SLC19A3: variants seen among roughly 807,000 people sequenced by gnomAD.
SLC19A3 encodes solute carrier family 19 member 3.
In SLC19A3, 31 loss-of-function variants were observed where a neutral mutation model predicts 40.2. The observed-to-expected ratio is 0.77, with a 90% CI of 0.58 to 1.04. The LOEUF is 1.04. SLC19A3 is among the 50% of genes least tolerant of loss of function. The pLI is 0.00. For synonymous variants in SLC19A3, 212 were observed against 227.5 expected (o/e 0.93, Z 0.61); for missense variants, 592 against 596.7 (o/e 0.99, Z 0.08).
intron 4 of SLC19A3, among the ~76,000 whole-genome samples, chr2:227,693,976 A>G (rs1487780774): frequency 6.6e-6 from 1 of 152,242 alleles, no homozygotes; most frequent in East Asian, 1.9e-4. Flanking sequence ...AAGGTGCTCA[A>G]CATCATTGAT....
chr2:227,694,138 C>T lies in SLC19A3; in HGVS notation c.1172+1751G>A, dbSNP rs182548522. The stretch of plus-strand genomic sequence containing the variant: ...TCTCCTGCCTCAGCCTCCCCAGTAG[C>T]AGGGATTACAGGTTCTCACCACCAT... On this transcript the variant is annotated intron_variant, in intron 4 of 5. Transcript: ENST00000644224. Among the ~76,000 whole-genome samples, 128 of 152,250 alleles carry T rather than the reference C, an allele frequency of 8.4e-4. 1 individual carries two copies. The highest frequency in any genetic ancestry group is 2.6e-4 in the Non-Finnish European group (18 of 68,010).
At chr2:227,716,818 G>T (rs1696349033) in intron 1 of SLC19A3, among the ~76,000 whole-genome samples, 1 of 151,954 alleles carries the variant, frequency 6.6e-6, no homozygotes, top group Non-Finnish European at 1.5e-5. Flanking sequence ...TAGCAATAAT[G>T]ACTGAAGGAA....
chr2:227,714,934 C>T (rs961422855), intron 1 of SLC19A3, among the ~76,000 whole-genome samples: 3 of 151,530 alleles, frequency 2.0e-5, no homozygotes, highest in African/African-American at 4.9e-5. Context: ...ATTCTCCCAC[C>T]TCAGTCTCCT....
At position 227,702,325 on chromosome 2, in the gene SLC19A3, T is replaced by C. The variant is rs1327498072; in HGVS notation, c.-2-5A>G. The C allele has an allele frequency of 5.0e-6, 8 of 1,613,744 alleles. No individual in the cohort carries two copies. The highest frequency in any genetic ancestry group is 6.8e-6 in the Non-Finnish European group (8 of 1,179,874). ...AAGTTCTGTAACAATCCATGGCTGATCAAATGGAAACAAAGAGAAAATTAA... is the reference window on the plus strand; with the variant it reads ...AAGTTCTGTAACAATCCATGGCTGACCAAATGGAAACAAAGAGAAAATTAA... On this transcript the variant is annotated splice_polypyrimidine_tract_variant and splice_region_variant and intron_variant, in intron 1 of 5. Transcript: ENST00000644224.
At chr2:227,713,454 A>G (rs1302265430) in intron 1 of SLC19A3, among the ~76,000 whole-genome samples, 2 of 150,736 alleles carry the variant, frequency 1.3e-5, no homozygotes, top group Non-Finnish European at 2.9e-5. Flanking sequence ...GAGTGATTAG[A>G]TCATAAGGGC....
chr2:227,705,951 G>A (rs759687513), intron 1 of SLC19A3, among the ~76,000 whole-genome samples: 112 of 152,188 alleles, frequency 7.4e-4, no homozygotes, highest in Middle Eastern at 6.8e-3. Flanking sequence ...GGGAGGCTGA[G>A]GTGAGAGGAT....
At chr2:227,696,290 C>T (rs1191939175) in intron 3 of SLC19A3, among the ~76,000 whole-genome samples, 1 of 152,170 alleles carries the variant, frequency 6.6e-6, no homozygotes, top group African/African-American at 2.4e-5. Flanking sequence ...TTCTTTCGGT[C>T]ACTTAGTCAC....
intron 4 of SLC19A3, chr2:227,695,467 T>C: frequency 5.2e-6 from 1 of 192,664 alleles, no homozygotes; most frequent in Admixed American, 5.5e-5. Context: ...CTAGGCATGG[T>C]GGCACATGCT....
At chr2:227,708,394 C>T (rs1316208088) in intron 1 of SLC19A3, among the ~76,000 whole-genome samples, 1 of 152,034 alleles carries the variant, frequency 6.6e-6, no homozygotes, top group Non-Finnish European at 1.5e-5. Flanking sequence ...TCAATTATTA[C>T]CATGTTATTG....
In SLC19A3 at chr2:227,688,174, T is replaced by G. The variant is rs772754355; in HGVS notation, c.1306A>C (p.Ser436Arg). The G allele has an allele frequency of 6.2e-6, 10 of 1,614,038 alleles. No homozygotes were observed. The Admixed American group carries it at 1.7e-4, about 27-fold the overall frequency. Residue 436 changes from serine (S) to arginine (R), a missense_variant, in exon 5 of 6, where the codon AGC becomes CGC. Physicochemically the swap from Ser to Arg is moderately radical, Grantham distance 110. Coordinates refer to ENST00000644224, the MANE Select transcript of SLC19A3 (RefSeq NM_025243.4). Reference sequence around the variant, plus strand: ...GAAGTATTGCAGCTTACCTGAATGCTGACTGGCAAGTTGAGCCCTCTCTGA... The same window carrying G: ...GAAGTATTGCAGCTTACCTGAATGCGGACTGGCAAGTTGAGCCCTCTCTGA... ...VDQRGLNLPV[S>R]IQFLVYGSYF...
chr2:227,693,991 G>T (rs1258940370), intron 4 of SLC19A3, among the ~76,000 whole-genome samples: 3 of 152,164 alleles, frequency 2.0e-5, no homozygotes, highest in African/African-American at 7.2e-5. Flanking sequence ...ATTGATAAGA[G>T]AATTATAAAT....
At chr2:227,691,701 C>G (rs78494407) in intron 4 of SLC19A3, among the ~76,000 whole-genome samples, 11,331 of 151,774 alleles carry the variant, frequency 0.075, 1,179 homozygotes, top group African/African-American at 0.24. Context: ...AAACTTAACC[C>G]AAAATTAGTA....
Position 227,698,771 on chromosome 2 carries a change from T to G in SLC19A3, c.944A>C (p.Tyr315Ser), listed in dbSNP as rs1333780558. The G allele has an allele frequency of 6.2e-7, 1 of 1,614,012 alleles. No homozygotes were observed. The highest frequency in any genetic ancestry group is 1.3e-5 in the African/African-American group (1 of 74,948). The part of the protein sequence containing the change: ...YKAPSQDSSI[Y>S]NGAVEAIATF... ...TGCAATAGCTTCTACGGCCCCATTA[T>G]AGATGGAAGAATCTTGGGATGGCGC... Residue 315 changes from tyrosine to serine, a missense_variant, in exon 3 of 6, where the codon TAT (tyrosine) becomes TCT (serine). Tyr to Ser is a moderately radical substitution (Grantham distance 144). Coordinates refer to ENST00000644224, the MANE Select transcript of SLC19A3 (RefSeq NM_025243.4).
intron 3 of SLC19A3, among the ~76,000 whole-genome samples, chr2:227,696,338 G>A (rs756970415): frequency 5.3e-5 from 8 of 152,156 alleles, no homozygotes; most frequent in Admixed American, 3.3e-4. Flanking sequence ...GCCAGACACT[G>A]TATTCTGCAG....
At chr2:227,688,017 C>T (rs1695084526) in intron 5 of SLC19A3, 149 bp downstream of exon 5, 2 of 882,186 alleles carry the variant, frequency 2.3e-6, no homozygotes, top group Admixed American at 2.0e-5. Flanking sequence ...TTGCTCAAAA[C>T]CTACTTGGTG....
chr2:227,688,314 T>G lies in SLC19A3; in HGVS notation c.1173-7A>C. The G allele has an allele frequency of 1.2e-6, 2 of 1,613,444 alleles. No individual in the cohort carries two copies. Among genetic ancestry groups the G allele is most frequent in the Non-Finnish European group, 1.7e-6 (2 of 1,179,472 alleles). On this transcript the variant is annotated splice_region_variant and splice_polypyrimidine_tract_variant and intron_variant, in intron 4 of 5. Transcript: ENST00000644224. ...ATTAACTGCAATCTGAAATCTATCA[T>G]TAAACATAAATAAGCATTTTAACTA...
Position 227,685,653 on chromosome 2 carries a change from A to G in SLC19A3, c.*1744T>C, listed in dbSNP as rs1694990495. On this transcript the variant is annotated 3_prime_UTR_variant, in exon 6 of 6. Coordinates refer to ENST00000644224, the MANE Select transcript of SLC19A3 (RefSeq NM_025243.4). ...GTCTCATACCCCTACCCTCAAATTA[A>G]CCTCTCACTTCAGCCTCCCAAAATG... 6.6e-6 allele frequency: 1 copy of G among 152,104 alleles called. No individual in the cohort carries two copies. Among genetic ancestry groups the G allele is most frequent in the African/African-American group, 2.4e-5 (1 of 41,334 alleles). 9.4% of individuals were successfully genotyped at this position (152,104 alleles called of 1,614,324 possible). A position where few individuals can be genotyped will look rare whatever the true frequency, so the allele number is the denominator to read the frequency against.
At chr2:227,710,415 G>A (rs980277215) in intron 1 of SLC19A3, among the ~76,000 whole-genome samples, 1 of 152,050 alleles carries the variant, frequency 6.6e-6, no homozygotes, top group African/African-American at 2.4e-5. Context: ...ACAAAATAAG[G>A]CTGGGTGCGG....
Position 227,716,993 on chromosome 2 carries a change from C to CTTT in SLC19A3, c.-3+947_-3+949dup, listed in dbSNP as rs61164911. On this transcript the variant is annotated intron_variant, in intron 1 of 5. Transcript: ENST00000644224. The stretch of plus-strand genomic sequence containing the variant: ...GATAGGAGCAAAACACATGAGAGTG[C>CTTT]TTTTTTTTTTTTTTTTTTTTTTTTT... 1.8e-3 allele frequency among the ~76,000 whole-genome samples: 119 copies of CTTT among 67,190 alleles called. 15 individuals are homozygous for CTTT. The highest frequency in any genetic ancestry group is 3.9e-3 in the African/African-American group (65 of 16,566). The allele number at this position is 67,190 out of a possible 152,430, so 44.1% of individuals were successfully genotyped here.
Sources: gnomAD v4.1 joint callset for allele counts (sites outside exome capture counted in the v4.1 genomes callset) on GRCh38, gnomAD v4.1.1 for gene constraint, MANE v1.5 for transcripts, NCBI Gene and HGNC (gene_info 2026-07-23, HGNC 2026-07-21) for gene names.